Variants in ZNF385D observed in about 807,000 individuals in gnomAD.
ZNF385D encodes the protein zinc finger protein 385D, also known as zinc finger protein 659.
Under a neutral mutation model 35.8 loss-of-function variants are expected in ZNF385D, and 15 were observed. The observed-to-expected ratio is 0.42, with a 90% CI of 0.28 to 0.64. The LOEUF (loss-of-function observed/expected upper bound fraction) is 0.64, where lower values mean the gene tolerates loss of function less well. Ranked by LOEUF, ZNF385D falls within the 30% of genes least tolerant of loss-of-function variation. ZNF385D has a pLI of 0.23. For synonymous variants in ZNF385D, 212 were observed against 186.8 expected, an observed-to-expected ratio of 1.13 and a Z score of -1.10; for missense variants, 474 against 494.6, an observed-to-expected ratio of 0.96 and a Z score of 0.39.
intron 3 of ZNF385D, among the ~76,000 whole-genome samples, chr3:21,827,604 C>T (rs1190218166): frequency 6.6e-6 from 1 of 152,098 alleles, no homozygotes; most frequent in Non-Finnish European, 1.5e-5. Context: ...ATGTTTCATC[C>T]TGATTTCATA....
intron 2 of ZNF385D, among the ~76,000 whole-genome samples, chr3:22,227,001 T>A (rs1456071562): frequency 1.3e-5 from 2 of 152,204 alleles, no homozygotes; most frequent in Non-Finnish European, 2.9e-5. Context: ...ATGGTGTGAT[T>A]CAAGCACATG....
intron 1 of ZNF385D, among the ~76,000 whole-genome samples, chr3:21,714,528 C>G (rs2068237127): frequency 6.6e-6 from 1 of 152,188 alleles, no homozygotes; most frequent in Non-Finnish European, 1.5e-5. Context: ...CAAGCTAAGG[C>G]CAATCTCTCC....
chr3:22,169,254 C>T (rs1706531030), intron 2 of ZNF385D, among the ~76,000 whole-genome samples: 1 of 152,158 alleles, frequency 6.6e-6, no homozygotes, highest in Non-Finnish European at 1.5e-5. Flanking sequence ...ATTCCCAATA[C>T]TGTGCTATAT....
chr3:21,487,697 G>A (rs1037447580), intron 4 of ZNF385D, among the ~76,000 whole-genome samples: 1 of 152,088 alleles, frequency 6.6e-6, no homozygotes, highest in Non-Finnish European at 1.5e-5. Flanking sequence ...TTAGCACTCA[G>A]GATCAGTCCT....
intron 3 of ZNF385D, among the ~76,000 whole-genome samples, chr3:21,525,728 A>G (rs1032633166): frequency 6.6e-6 from 1 of 151,502 alleles, no homozygotes; most frequent in African/African-American, 2.4e-5. Flanking sequence ...TTGACTTTGC[A>G]GACATTAAAA....
At chr3:21,913,589 G>C (rs530268105) in intron 3 of ZNF385D, among the ~76,000 whole-genome samples, 1 of 152,064 alleles carries the variant, frequency 6.6e-6, no homozygotes, top group African/African-American at 2.4e-5. Context: ...TTTATCTCTG[G>C]GAAGCTGCTA....
At chr3:22,164,837 A>G (rs1009672321) in intron 3 of ZNF385D, among the ~76,000 whole-genome samples, 1 of 152,210 alleles carries the variant, frequency 6.6e-6, no homozygotes, top group Admixed American at 6.5e-5. Context: ...TCGATGCTAA[A>G]AAAGGAATGA....
At chr3:21,448,956 T>A (rs447169) in intron 4 of ZNF385D, among the ~76,000 whole-genome samples, 98,018 of 151,892 alleles carry the variant, frequency 0.65, 31,924 homozygotes, top group African/African-American at 0.72. Context: ...AGCGCTAATT[T>A]AAACATTTAA....
chr3:21,625,362 A>T (rs960651880), intron 2 of ZNF385D, among the ~76,000 whole-genome samples: 66 of 152,208 alleles, frequency 4.3e-4, no homozygotes, highest in African/African-American at 1.6e-3. Context: ...TTTACAGGGC[A>T]TACTGAAGTG....
At chr3:21,952,471 T>C (rs1351636874) in intron 3 of ZNF385D, among the ~76,000 whole-genome samples, 1 of 151,904 alleles carries the variant, frequency 6.6e-6, no homozygotes, top group Non-Finnish European at 1.5e-5. Flanking sequence ...ATTATTAAAA[T>C]GTGAAAAAAA....
At chr3:22,353,324 G>A (rs1696003260) in intron 2 of ZNF385D, among the ~76,000 whole-genome samples, 1 of 152,134 alleles carries the variant, frequency 6.6e-6, no homozygotes. Context: ...ATTCCACCAT[G>A]TCTCCTGGAC....
intron 3 of ZNF385D, among the ~76,000 whole-genome samples, chr3:21,856,842 C>A (rs992539144): frequency 2.0e-5 from 3 of 152,006 alleles, no homozygotes; most frequent in Admixed American, 2.0e-4. Flanking sequence ...CCTTAAATTA[C>A]GGATCAAAGG....
intron 1 of ZNF385D, among the ~76,000 whole-genome samples, chr3:21,698,991 T>C (rs1270170062): frequency 1.3e-5 from 2 of 152,158 alleles, no homozygotes; most frequent in Non-Finnish European, 2.9e-5. Flanking sequence ...TTACTGGGTT[T>C]ATACCCAAAG....
intron 1 of ZNF385D, among the ~76,000 whole-genome samples, chr3:21,673,454 T>C (rs2125290510): frequency 6.6e-6 from 1 of 152,288 alleles, no homozygotes; most frequent in Non-Finnish European, 1.5e-5. Context: ...TGATACAGTC[T>C]GTTTCAAAAT....
chr3:21,876,197 T>C (rs1166276620), intron 3 of ZNF385D, among the ~76,000 whole-genome samples: 1 of 151,110 alleles, frequency 6.6e-6, no homozygotes, highest in Non-Finnish European at 1.5e-5. Flanking sequence ...ACCTGAGGGA[T>C]AGAAAATGTT....
At chr3:21,551,462 T>G (rs1453576138) in intron 3 of ZNF385D, among the ~76,000 whole-genome samples, 1 of 152,240 alleles carries the variant, frequency 6.6e-6, no homozygotes, top group African/African-American at 2.4e-5. Context: ...GTAATAACAC[T>G]TAGATGCTAC....
chr3:21,804,649 G>A (rs2072554254), intron 3 of ZNF385D, among the ~76,000 whole-genome samples: 1 of 152,076 alleles, frequency 6.6e-6, no homozygotes, highest in Non-Finnish European at 1.5e-5. Flanking sequence ...TTACCTCTGG[G>A]CAATTCATTT....
rs77319325 is a variant in ZNF385D, at chr3:21,644,345, C to T, written c.165+20541G>A. ...GTCACAGGTGGCCAGAGACTCTCCCCATAGCTCAGGGTGCAAGGCAGAAGC... is the reference window on the plus strand; with the variant it reads ...GTCACAGGTGGCCAGAGACTCTCCCTATAGCTCAGGGTGCAAGGCAGAAGC... On this transcript the variant is annotated intron_variant, in intron 2 of 7. Transcript: ENST00000281523. Among the ~76,000 whole-genome samples, 832 of 152,218 alleles carry T rather than the reference C, an allele frequency of 5.5e-3. 14 individuals carry two copies. The East Asian group carries it at 0.075, about 14-fold the overall frequency.
intron 2 of ZNF385D, among the ~76,000 whole-genome samples, chr3:22,241,852 T>C (rs1054077452): frequency 2.7e-5 from 4 of 150,882 alleles, no homozygotes; most frequent in African/African-American, 9.8e-5. Flanking sequence ...AGAGTACAGA[T>C]AACTCTTGAA....
Sources: gnomAD v4.1 joint callset for allele counts (sites outside exome capture counted in the v4.1 genomes callset) on GRCh38, gnomAD v4.1.1 for gene constraint, MANE v1.5 for transcripts, NCBI Gene and HGNC (gene_info 2026-07-23, HGNC 2026-07-21) for gene names.